PTPRD: variants seen among roughly 807,000 people sequenced by gnomAD.
The protein encoded by PTPRD is protein tyrosine phosphatase receptor type D.
A neutral mutation model predicts 214.5 loss-of-function variants in PTPRD; 34 were observed. The observed-to-expected ratio is 0.16, with a 90% CI of 0.12 to 0.21. The LOEUF (loss-of-function observed/expected upper bound fraction) is 0.21. Ranked by LOEUF, PTPRD falls within the 10% of genes least tolerant of loss-of-function variation. The pLI, the probability that PTPRD is intolerant of heterozygous loss-of-function variation, is 1.00. For missense variants in PTPRD, 2,545 were observed against 2,398.7 expected (o/e 1.06, Z -1.27); for synonymous variants, 1,128 against 845.7 (o/e 1.33, Z -5.79).
chr9:8,949,010 G>A (rs1395423213), intron 11 of PTPRD, among the ~76,000 whole-genome samples: 1 of 151,996 alleles, frequency 6.6e-6, no homozygotes, highest in Admixed American at 6.6e-5. Flanking sequence ...GATCACCTGA[G>A]TTTAGGAGTT....
chr9:9,985,485 T>A (rs1233128294), intron 4 of PTPRD, among the ~76,000 whole-genome samples: 2 of 152,162 alleles, frequency 1.3e-5, no homozygotes, highest in Admixed American at 1.3e-4. Context: ...TTGGGAAAGA[T>A]TCTTTTACAG....
intron 10 of PTPRD, among the ~76,000 whole-genome samples, chr9:9,122,576 G>A (rs2099818613): frequency 1.3e-5 from 2 of 152,134 alleles, no homozygotes; most frequent in South Asian, 2.1e-4. Context: ...AAATGTTTAA[G>A]AGGATTTTAA....
chr9:9,307,203 G>C (rs1256809811), intron 9 of PTPRD, among the ~76,000 whole-genome samples: 1 of 152,224 alleles, frequency 6.6e-6, no homozygotes. Flanking sequence ...AAAATTGTTT[G>C]GATGGAGAGA....
At position 8,485,932 on chromosome 9, in the gene PTPRD, T is replaced by C. The variant is rs761248573; in HGVS notation, c.2885A>G (p.Asn962Ser). 1.2e-6 allele frequency: 2 copies of C among 1,614,094 alleles called. No homozygotes were observed. The highest frequency in any genetic ancestry group is 4.5e-5 in the East Asian group (2 of 44,886). ...CTGCTCCATCGGGAGAAGGGGGATGTTGATATCCCTATAAAGAAGGGTATA... is the reference window on the plus strand; with the variant it reads ...CTGCTCCATCGGGAGAAGGGGGATGCTGATATCCCTATAAAGAAGGGTATA... ...TKYTLLYRDI[N>S]IPLLPMEQLI... Residue 962 changes from asparagine to serine, a missense_variant, in exon 28 of 46, where the codon AAC (asparagine) becomes AGC (serine). By Grantham distance (46) the Asn-to-Ser change is conservative. Transcript: ENST00000381196.
At chr9:9,307,013 C>G (rs900326647) in intron 9 of PTPRD, among the ~76,000 whole-genome samples, 4 of 152,100 alleles carry the variant, frequency 2.6e-5, no homozygotes, top group African/African-American at 9.7e-5. Flanking sequence ...AAGTAAGATT[C>G]AAATTGTTAA....
chr9:8,941,099 C>G (rs2099031359), intron 11 of PTPRD, among the ~76,000 whole-genome samples: 2 of 151,942 alleles, frequency 1.3e-5, no homozygotes, highest in Admixed American at 6.6e-5. Flanking sequence ...TTTTCCTGAC[C>G]CTCCCACCAA....
chr9:10,229,676 G>A (rs1453414886), intron 3 of PTPRD, among the ~76,000 whole-genome samples: 1 of 144,752 alleles, frequency 6.9e-6, no homozygotes, highest in African/African-American at 2.6e-5. Flanking sequence ...CATAGATTGG[G>A]GAACATCACA....
chr9:8,935,652 C>T (rs1259861350), intron 11 of PTPRD, among the ~76,000 whole-genome samples: 7 of 152,228 alleles, frequency 4.6e-5, no homozygotes, highest in Non-Finnish European at 7.4e-5. Flanking sequence ...GGCATCTGAA[C>T]GTGTGCAGTT....
intron 7 of PTPRD, among the ~76,000 whole-genome samples, chr9:9,607,222 G>T (rs2094220579): frequency 6.6e-6 from 1 of 152,048 alleles, no homozygotes; most frequent in African/African-American, 2.4e-5. Flanking sequence ...TAAGTTGAAA[G>T]AATCACAAGT....
chr9:10,047,982 A>C (rs2097437877), intron 3 of PTPRD, among the ~76,000 whole-genome samples: 1 of 152,126 alleles, frequency 6.6e-6, no homozygotes, highest in Non-Finnish European at 1.5e-5. Flanking sequence ...GATAGTTCCC[A>C]TTATAACAGA....
chr9:8,584,446 G>C (rs1400388999), intron 14 of PTPRD, among the ~76,000 whole-genome samples: 1 of 140,802 alleles, frequency 7.1e-6, no homozygotes, highest in South Asian at 2.4e-4. Flanking sequence ...TAACTGATTA[G>C]TTACTGAAAA....
intron 9 of PTPRD, among the ~76,000 whole-genome samples, chr9:9,285,870 ATATCTG>A (rs1259102095): frequency 9.9e-5 from 15 of 151,696 alleles, no homozygotes; most frequent in Non-Finnish European, 1.5e-4. Context: ...ATATCTATCT[ATATCTG>A]TATCTATATC....
intron 3 of PTPRD, among the ~76,000 whole-genome samples, chr9:10,114,235 T>A (rs2098712928): frequency 6.6e-6 from 1 of 152,080 alleles, no homozygotes; most frequent in Non-Finnish European, 1.5e-5. Flanking sequence ...ATAGAGTTGT[T>A]AGGATAAAAT....
intron 8 of PTPRD, among the ~76,000 whole-genome samples, chr9:9,408,610 T>A (rs1264170910): frequency 6.6e-6 from 1 of 151,870 alleles, no homozygotes; most frequent in Non-Finnish European, 1.5e-5. Context: ...ATAAAATATA[T>A]TTTAAGGAAC....
rs752834349 is a variant in PTPRD, at chr9:8,492,955, G to A, written c.2374C>T (p.Pro792Ser). ...ACGGTGAGGGAGTAGGAAGTTTCAG[G>A]CTGGAGCCCAGAAATGATCATGTCC... ...EHDMIISGLQ[P>S]ETSYSLTVTA... The change falls in exon 27 of 46, where the codon CCT (proline) becomes TCT (serine). Residue 792 changes from proline (P) to serine (S), a missense_variant. Transcript: ENST00000381196. The A allele has an allele frequency of 3.1e-6, 5 of 1,613,642 alleles. No individual in the cohort carries two copies. The highest frequency in any genetic ancestry group is 4.2e-6 in the Non-Finnish European group (5 of 1,179,624).
chr9:8,881,385 G>T (rs779485107), intron 11 of PTPRD, among the ~76,000 whole-genome samples: 53 of 152,210 alleles, frequency 3.5e-4, no homozygotes, highest in Non-Finnish European at 6.2e-4. Flanking sequence ...ATTTGGTTAG[G>T]TCAGACATAT....
At chr9:9,643,440 T>A (rs970798760) in intron 7 of PTPRD, among the ~76,000 whole-genome samples, 33 of 152,296 alleles carry the variant, frequency 2.2e-4, no homozygotes, top group African/African-American at 7.7e-4. Flanking sequence ...AGCTTTTTCA[T>A]CTGCACCTGT....
At chr9:9,411,970 G>T (rs534694905) in intron 8 of PTPRD, among the ~76,000 whole-genome samples, 1 of 152,150 alleles carries the variant, frequency 6.6e-6, no homozygotes, top group Non-Finnish European at 1.5e-5. Flanking sequence ...GCCAGGAAAA[G>T]GTCAGTGAAG....
intron 10 of PTPRD, among the ~76,000 whole-genome samples, chr9:9,092,069 T>G (rs2099776969): frequency 6.6e-6 from 1 of 152,224 alleles, no homozygotes; most frequent in Non-Finnish European, 1.5e-5. Flanking sequence ...TAAACTTTCA[T>G]TTGACATGGT....
Sources: gnomAD v4.1 joint callset for allele counts (sites outside exome capture counted in the v4.1 genomes callset) on GRCh38, gnomAD v4.1.1 for gene constraint, MANE v1.5 for transcripts, NCBI Gene and HGNC (gene_info 2026-07-23, HGNC 2026-07-21) for gene names.